The following FRMD6 variants were observed in gnomAD, a reference collection of about 807,000 sequenced individuals.
The protein encoded by FRMD6 is FERM domain-containing protein 6.
Under a neutral mutation model 73.2 loss-of-function variants are expected in FRMD6, and 37 were observed. The ratio of observed to expected loss-of-function variants is 0.51; its 90% CI spans 0.39 to 0.66. FRMD6 has a LOEUF of 0.66. Ranked by LOEUF, FRMD6 falls within the 30% of genes least tolerant of loss-of-function variation. FRMD6 has a pLI of 0.00. For missense variants in FRMD6, 714 were observed against 780.5 expected, an observed-to-expected ratio of 0.91 and a Z score of 1.02; for synonymous variants, 273 against 282.2, an observed-to-expected ratio of 0.97 and a Z score of 0.33.
chr14:51,577,594 T>C (rs1442415307), intron 2 of FRMD6, among the ~76,000 whole-genome samples: 2 of 152,140 alleles, frequency 1.3e-5, no homozygotes, highest in African/African-American at 2.4e-5. Context: ...ATCTGGATAA[T>C]TGGTACATTT....
chr14:51,459,257 A>G, the FRMD6 span, among the ~76,000 whole-genome samples: 20 of 152,290 alleles, frequency 1.3e-4, no homozygotes, highest in African/African-American at 4.8e-4. Flanking sequence ...TAATCTCTCA[A>G]AGATGACCAT....
intron 2 of FRMD6, among the ~76,000 whole-genome samples, chr14:51,596,248 G>GGTGTGTGTGTGTGTGTGTGTGTGT: frequency 6.8e-6 from 1 of 147,710 alleles, no homozygotes; most frequent in South Asian, 2.2e-4. Flanking sequence ...AGGAGAGCCT[G>GGTGTGTGTGTGTGTGTGTGTGTGT]GTGTGTGTGT....
chr14:51,468,329 G>C, the FRMD6 span, among the ~76,000 whole-genome samples: 2 of 148,078 alleles, frequency 1.4e-5, no homozygotes, highest in African/African-American at 5.0e-5. Context: ...GAGAGGGGGA[G>C]GGGGAGGGAG....
chr14:51,628,799 TCAAAAA>T (rs1891215947), intron 2 of FRMD6, among the ~76,000 whole-genome samples: 1 of 9,324 alleles, frequency 1.1e-4, no homozygotes. Context: ...AGACTCTGTC[TCAAAAA>T]AAAAAAAAAA....
chr14:51,411,866 T>A, the FRMD6 span, among the ~76,000 whole-genome samples: 86 of 152,370 alleles, frequency 5.6e-4, no homozygotes, highest in African/African-American at 1.9e-3. Context: ...TGAGGTTTCC[T>A]TTGTGGCTGA....
intron 2 of FRMD6, among the ~76,000 whole-genome samples, chr14:51,605,037 A>G (rs1025974286): frequency 6.6e-6 from 1 of 151,272 alleles, no homozygotes; most frequent in African/African-American, 2.4e-5. Flanking sequence ...AAACAACACC[A>G]TTGCTTTGTG....
intron 1 of FRMD6, among the ~76,000 whole-genome samples, chr14:51,688,814 C>T (rs1347191754): frequency 6.6e-6 from 1 of 152,074 alleles, no homozygotes; most frequent in Admixed American, 6.6e-5. Flanking sequence ...CTCACTAATG[C>T]AATGAGACAT....
chr14:51,529,716 A>T (rs1054347814), intron 1 of FRMD6, among the ~76,000 whole-genome samples: 1 of 152,222 alleles, frequency 6.6e-6, no homozygotes, highest in Non-Finnish European at 1.5e-5. Flanking sequence ...TGTCTTAAAC[A>T]TCTCACCTGG....
the FRMD6 span, among the ~76,000 whole-genome samples, chr14:51,430,406 C>T: frequency 6.6e-6 from 1 of 152,188 alleles, no homozygotes; most frequent in Non-Finnish European, 1.5e-5. Context: ...CCACTAATAG[C>T]AGAAGATCTA....
chr14:51,632,737 T>A (rs1786586206), intron 2 of FRMD6, among the ~76,000 whole-genome samples: 1 of 152,188 alleles, frequency 6.6e-6, no homozygotes, highest in Admixed American at 6.5e-5. Context: ...TCTTTCTACA[T>A]CTGAATTGTC....
chr14:51,619,837 G>GA (rs548475600), intron 2 of FRMD6, among the ~76,000 whole-genome samples: 1 of 151,866 alleles, frequency 6.6e-6, no homozygotes, highest in African/African-American at 2.4e-5. Flanking sequence ...TACTCCATGA[G>GA]AAAAAAAAGT....
At chr14:51,572,889 C>A (rs1297652211) in intron 2 of FRMD6, among the ~76,000 whole-genome samples, 1 of 152,104 alleles carries the variant, frequency 6.6e-6, no homozygotes, top group Non-Finnish European at 1.5e-5. Flanking sequence ...TGTGAAGAGT[C>A]AGAGGCTTAT....
chr14:51,594,012 C>T (rs1889554544), intron 2 of FRMD6, among the ~76,000 whole-genome samples: 1 of 152,092 alleles, frequency 6.6e-6, no homozygotes, highest in Admixed American at 6.5e-5. Context: ...GACAACAGAA[C>T]AGGGTGTGTG....
chr14:51,488,892 T>C (rs1279647697), upstream of FRMD6, among the ~76,000 whole-genome samples: 2 of 152,206 alleles, frequency 1.3e-5, no homozygotes, highest in Non-Finnish European at 2.9e-5. Context: ...TTGTGGTATA[T>C]TTTATCCCGA....
At chr14:51,694,616 A>T (rs149511819) in intron 2 of FRMD6, among the ~76,000 whole-genome samples, 196 of 152,214 alleles carry the variant, frequency 1.3e-3, no homozygotes, top group African/African-American at 4.5e-3. Context: ...CTTTAGCCTG[A>T]GAGGTTGAGG....
At chr14:51,468,856 C>A in the FRMD6 span, among the ~76,000 whole-genome samples, 7 of 152,110 alleles carry the variant, frequency 4.6e-5, no homozygotes, top group African/African-American at 1.7e-4. Flanking sequence ...AATGCTTTTT[C>A]TACATCTATT....
the FRMD6 span, among the ~76,000 whole-genome samples, chr14:51,467,430 T>G: frequency 6.6e-6 from 1 of 152,248 alleles, no homozygotes. Flanking sequence ...TCCCTTTCTG[T>G]TTGACAAAAC....
At chr14:51,574,772 G>A (rs1227708911) in intron 2 of FRMD6, among the ~76,000 whole-genome samples, 2 of 152,154 alleles carry the variant, frequency 1.3e-5, no homozygotes, top group African/African-American at 2.4e-5. Flanking sequence ...ACAACAGGGC[G>A]ATTCTGATCA....
intron 2 of FRMD6, among the ~76,000 whole-genome samples, chr14:51,591,294 CA>C (rs140368702): frequency 7.3e-5 from 11 of 150,862 alleles, no homozygotes; most frequent in Admixed American, 2.6e-4. Flanking sequence ...ACAAAACAAA[CA>C]AAAAAAAACT....
Sources: gnomAD v4.1 joint callset for allele counts (sites outside exome capture counted in the v4.1 genomes callset) on GRCh38, gnomAD v4.1.1 for gene constraint, MANE v1.5 for transcripts, NCBI Gene and HGNC (gene_info 2026-07-23, HGNC 2026-07-21) for gene names.